UMAD1: variants seen among roughly 807,000 people sequenced by gnomAD.
UMAD1 encodes UBAP1-MVB12-associated (UMA) domain containing 1, also known as UBAP1-MVB12-associated (UMA)-domain containing protein 1.
Under a neutral mutation model 6.1 loss-of-function variants are expected in UMAD1, and 8 were observed. That is an observed-to-expected ratio of 1.30 (90% confidence interval 0.76 to 2.35). UMAD1 has a LOEUF of 2.35. Among genes scored for constraint, UMAD1 ranks in the 30% most tolerant of loss-of-function variants. The pLI is 0.00. For missense variants in UMAD1, 130 were observed against 78.4 expected (o/e 1.66, Z -2.49); for synonymous variants, 56 against 31.4 (o/e 1.78, Z -2.61).
intron 3 of UMAD1, among the ~76,000 whole-genome samples, chr7:7,859,972 C>T (rs1163791658): frequency 2.0e-5 from 3 of 151,910 alleles, no homozygotes; most frequent in Non-Finnish European, 4.4e-5. Context: ...TTAAATTTTC[C>T]TCTTATGATT....
chr7:7,846,947 C>T (rs911413796), intron 3 of UMAD1, among the ~76,000 whole-genome samples: 9 of 141,162 alleles, frequency 6.4e-5, no homozygotes, highest in Non-Finnish European at 1.4e-4. Flanking sequence ...GGGAGATATA[C>T]CTAATGCTAG....
chr7:7,705,595 A>G (rs1316691725), intron 2 of UMAD1, among the ~76,000 whole-genome samples: 1 of 152,188 alleles, frequency 6.6e-6, no homozygotes. Flanking sequence ...TAGTATTTCT[A>G]TTATAGGGAT....
chr7:7,763,502 A>T (rs570528807), intron 2 of UMAD1, among the ~76,000 whole-genome samples: 2 of 152,344 alleles, frequency 1.3e-5, no homozygotes, highest in East Asian at 3.9e-4. Context: ...TTTATAAATG[A>T]GAACATGCAA....
At chr7:7,695,714 T>A (rs1780297500) in intron 2 of UMAD1, among the ~76,000 whole-genome samples, 1 of 152,220 alleles carries the variant, frequency 6.6e-6, no homozygotes. Context: ...CCTCAACAAC[T>A]TGTGTCCTAT....
chr7:7,796,515 T>C (rs1782685811), intron 2 of UMAD1, among the ~76,000 whole-genome samples: 1 of 152,032 alleles, frequency 6.6e-6, no homozygotes, highest in African/African-American at 2.4e-5. Context: ...CCTCCCAAAG[T>C]GTTGGGATTA....
intron 2 of UMAD1, among the ~76,000 whole-genome samples, chr7:7,695,943 T>C (rs6964727): frequency 0.078 from 11,752 of 151,560 alleles, 503 homozygotes; most frequent in Middle Eastern, 0.12. Flanking sequence ...GACCTTTGTC[T>C]ATAGGAGGCT....
At chr7:7,817,812 C>G (rs536181677) in intron 3 of UMAD1, among the ~76,000 whole-genome samples, 1 of 151,912 alleles carries the variant, frequency 6.6e-6, no homozygotes, top group African/African-American at 2.4e-5. Context: ...TCAGTATGTT[C>G]CCCCCACCCC....
intron 1 of UMAD1, among the ~76,000 whole-genome samples, chr7:7,669,223 C>T (rs1003172787): frequency 6.6e-6 from 1 of 151,956 alleles, no homozygotes; most frequent in African/African-American, 2.4e-5. Flanking sequence ...GGAACATGTC[C>T]CCCATGGATA....
intron 2 of UMAD1, among the ~76,000 whole-genome samples, chr7:7,755,547 A>C (rs1347230939): frequency 6.6e-6 from 1 of 152,216 alleles, no homozygotes; most frequent in African/African-American, 2.4e-5. Context: ...AAAAAGGAGA[A>C]AAATCTCTCT....
At chr7:7,811,198 A>C (rs907487113) in intron 3 of UMAD1, among the ~76,000 whole-genome samples, 1 of 151,990 alleles carries the variant, frequency 6.6e-6, no homozygotes, top group Admixed American at 6.5e-5. Flanking sequence ...TAGCTTTATG[A>C]TAATTAGCTG....
intron 2 of UMAD1, among the ~76,000 whole-genome samples, chr7:7,744,437 A>C (rs1481866164): frequency 6.6e-6 from 1 of 152,152 alleles, no homozygotes. Context: ...GTGTATACCT[A>C]GGAGTAGAAT....
At chr7:7,709,051 C>A (rs923645853) in intron 2 of UMAD1, among the ~76,000 whole-genome samples, 1 of 151,914 alleles carries the variant, frequency 6.6e-6, no homozygotes, top group African/African-American at 2.4e-5. Flanking sequence ...ATTAAAAATA[C>A]CAATTAACTA....
intron 2 of UMAD1, among the ~76,000 whole-genome samples, chr7:7,688,275 T>C (rs1434684394): frequency 1.3e-5 from 2 of 152,202 alleles, no homozygotes; most frequent in African/African-American, 4.8e-5. Flanking sequence ...TATTTTTATC[T>C]TAATGGTAAA....
chr7:7,748,132 G>A (rs1485968971), intron 2 of UMAD1, among the ~76,000 whole-genome samples: 1 of 122,016 alleles, frequency 8.2e-6, no homozygotes, highest in Non-Finnish European at 1.6e-5. Flanking sequence ...TTTCAGTAGA[G>A]ACGGGGTTTC....
chr7:7,761,362 C>CAAAA (rs1491506300), intron 2 of UMAD1, among the ~76,000 whole-genome samples: 1 of 50,284 alleles, frequency 2.0e-5, no homozygotes, highest in Non-Finnish European at 4.0e-5. Context: ...TGAGACCTAA[C>CAAAA]TAAAAAAAAA....
At chr7:7,682,806 G>C (rs2115124387) in intron 2 of UMAD1, among the ~76,000 whole-genome samples, 1 of 152,232 alleles carries the variant, frequency 6.6e-6, no homozygotes, top group African/African-American at 2.4e-5. Flanking sequence ...TTTTACTTTT[G>C]ACCTTTAAAT....
chr7:7,809,917 G>A (rs568901301), intron 3 of UMAD1, among the ~76,000 whole-genome samples: 101 of 152,052 alleles, frequency 6.6e-4, no homozygotes, highest in Admixed American at 1.5e-3. Flanking sequence ...CTTGAGATTT[G>A]TGAATCCCAT....
chr7:7,677,648 A>G (rs935258812), intron 2 of UMAD1, among the ~76,000 whole-genome samples: 3 of 137,818 alleles, frequency 2.2e-5, no homozygotes, highest in Non-Finnish European at 4.7e-5. Flanking sequence ...TTCTTTATCT[A>G]TTCATCTGTT....
intron 2 of UMAD1, chr7:7,687,268 TATC>T (rs1346293943): frequency 5.9e-5 from 9 of 152,246 alleles, no homozygotes; most frequent in African/African-American, 1.9e-4. Context: ...ATGTTAATGA[TATC>T]ATGGTGTCTT....
Sources: gnomAD v4.1 joint callset for allele counts (sites outside exome capture counted in the v4.1 genomes callset) on GRCh38, gnomAD v4.1.1 for gene constraint, MANE v1.5 for transcripts, NCBI Gene and HGNC (gene_info 2026-07-23, HGNC 2026-07-21) for gene names.